RENBP: variants seen among roughly 807,000 people sequenced by gnomAD.
RENBP encodes the protein renin binding protein.
A neutral mutation model predicts 37.8 loss-of-function variants in RENBP; 16 were observed. That is an observed-to-expected ratio of 0.42 (90% CI 0.29 to 0.64). The LOEUF is 0.64. Among genes scored for constraint, RENBP ranks in the 30% least tolerant of loss-of-function variants. The pLI is 0.19. For synonymous variants in RENBP, 170 were observed against 154.8 expected (o/e 1.10, Z -0.73); for missense variants, 347 against 379.5 (o/e 0.91, Z 0.71).
At chrX:153,940,004 G>A in intron 9 of RENBP, 98 bp downstream of exon 9, 1 of 1,035,704 alleles carries the variant, frequency 9.7e-7, no homozygotes. Flanking sequence ...CAGACCAGCT[G>A]AGCGACTGTG....
In RENBP at chrX:153,943,905, T is replaced by C; in HGVS notation, c.279A>G (p.Ala93=). The C allele has an allele frequency of 1.7e-6, 2 of 1,180,138 alleles. No individual in the cohort carries two copies. The highest frequency in any genetic ancestry group is 6.3e-5 in the East Asian group (2 of 31,659). ...GAAGGGGGCACCTACCTGCTTTTGCTGCGTCCAGAAGCTGAGCATGGCGGA... is the reference window on the plus strand; with the variant it reads ...GAAGGGGGCACCTACCTGCTTTTGCCGCGTCCAGAAGCTGAGCATGGCGGA... The part of the protein sequence containing the change: ...ERFRHAQLLD[A]AKAGGEFLLR... Residue 93 remains alanine (A), a synonymous_variant, in exon 4 of 11, where the codon GCA becomes GCG. Transcript: ENST00000393700.
In RENBP at chrX:153,942,679, C is replaced by A. The variant is rs1171956840; in HGVS notation, c.687+176G>T. On this transcript the variant is annotated intron_variant, in intron 6 of 10. Transcript: ENST00000393700. ...TGGGTGGGGCAGGAGGGGTCTCCTT[C>A]TGTCAGGGCTTGCCTGGGGCTCCGC... 6.6e-6 allele frequency: 3 copies of A among 455,338 alleles called. No homozygotes were observed. The Admixed American group carries it at 1.2e-4, about 18-fold the overall frequency. 37.5% of individuals were successfully genotyped at this position (455,338 alleles called of 1,213,427 possible).
chrX:153,935,670 G>C lies in RENBP; in HGVS notation c.1078-94C>G. On this transcript the variant is annotated intron_variant, in intron 9 of 10. Transcript: ENST00000393700. Reference sequence around the variant, plus strand: ...GGGGTCAGAGCCTGGGTTGACCCCAGGTGACGTGGCTCCAGAACCAGCGAT... The same window carrying C: ...GGGGTCAGAGCCTGGGTTGACCCCACGTGACGTGGCTCCAGAACCAGCGAT... 4.3e-6 allele frequency: 3 copies of C among 699,262 alleles called. No homozygotes were observed. The East Asian group carries it at 9.8e-5, about 23-fold the overall frequency. The allele number at this position is 699,262 out of a possible 1,213,427, so 57.6% of individuals were successfully genotyped here. A position where few individuals can be genotyped will look rare whatever the true frequency, so the allele number is the denominator to read the frequency against.
chrX:153,936,400 G>T (rs782604851), intron 9 of RENBP, among the ~76,000 whole-genome samples: 4 of 106,262 alleles, frequency 3.8e-5, no homozygotes, highest in Non-Finnish European at 5.8e-5. Context: ...CAGCTACTCG[G>T]GAGGCTGAGG....
chrX:153,942,230 G>GTTTTTTTTTTT, intron 6 of RENBP, 199 bp from the exon 7 acceptor site: 1 of 102,702 alleles, frequency 9.7e-6, no homozygotes, highest in Non-Finnish European at 1.6e-5. Flanking sequence ...GCAAGTTGTT[G>GTTTTTTTTTTT]TTTTTTTTTT....
intron 9 of RENBP, 48 bp downstream of exon 9, chrX:153,940,054 C>T (rs374841815): frequency 2.5e-5 from 30 of 1,194,784 alleles, no homozygotes; most frequent in Non-Finnish European, 3.3e-5. Flanking sequence ...CCAGACTCCC[C>T]CCATTCCCCC....
intron 9 of RENBP, among the ~76,000 whole-genome samples, chrX:153,939,495 T>C (rs2065217441): frequency 8.9e-6 from 1 of 112,050 alleles, no homozygotes; most frequent in African/African-American, 3.2e-5. Flanking sequence ...GTGAACCCTC[T>C]GTCCCCACCA....
rs782470753 is a variant in RENBP, at chrX:153,935,529, C to G, written c.1125G>C (p.Glu375Asp). The change falls in exon 10 of 11, where the codon GAG (glutamate) becomes GAC (aspartate). Residue 375 changes from glutamate (E) to aspartate (D), a missense_variant. Glu to Asp is a conservative substitution (Grantham distance 45, BLOSUM62 2). Around this residue, in one of 3 missense-constraint regions of RENBP, gnomAD observed 91 missense variants for 67.7 expected, o/e 1.34. Coordinates refer to ENST00000393700, the MANE Select transcript of RENBP (RefSeq NM_002910.6). ...YGEWFGYLSR[E>D]GKVALSIKGG... ...CCTTGATGGAGAGGGCCACCTTGCC[C>G]TCTCGGCTCAGGTAGCCAAACCATT... The G allele has an allele frequency of 1.3e-5, 16 of 1,209,515 alleles. No homozygotes were observed. Among genetic ancestry groups the G allele is most frequent in the Non-Finnish European group, 1.8e-5 (16 of 894,777 alleles).
At position 153,941,934 on chromosome X, in the gene RENBP, C is replaced by T; in HGVS notation, c.769+16G>A. On this transcript the variant is annotated intron_variant, in intron 7 of 10. Coordinates refer to ENST00000393700, the MANE Select transcript of RENBP (RefSeq NM_002910.6). ...CCCCTCCTCCTGGGTGGCCCCCAGC[C>T]CACCCCGCCCCTCACCTGGGTTCTG... 1 of 827,906 alleles carries T rather than the reference C, an allele frequency of 1.2e-6. No homozygotes were observed. Among genetic ancestry groups the T allele is most frequent in the Non-Finnish European group, 1.8e-6 (1 of 548,184 alleles). 68.2% of individuals were successfully genotyped at this position (827,906 alleles called of 1,213,427 possible).
chrX:153,943,041 C>G lies in RENBP; in HGVS notation c.501G>C (p.Trp167Cys). 1 of 1,190,324 alleles carries G rather than the reference C, an allele frequency of 8.4e-7. No homozygotes were observed. The highest frequency in any genetic ancestry group is 1.1e-6 in the Non-Finnish European group (1 of 883,726). The change falls in exon 6 of 11, where the codon TGG becomes TGC. Residue 167 changes from tryptophan (W) to cysteine (C), a missense_variant. Coordinates refer to ENST00000393700, the MANE Select transcript of RENBP (RefSeq NM_002910.6). Reference protein sequence around the residue: ...AVEMMDQIVHWVQEDASGLGR... With the variant: ...AVEMMDQIVHCVQEDASGLGR... ...CCAGTCCCGACGCGTCCTCCTGCAC[C>G]CAGTGGACGATCTGATCCATCATCT...
intron 1 of RENBP, 43 bp downstream of exon 1, chrX:153,944,541 G>A (rs1391473496): frequency 1.1e-5 from 13 of 1,165,823 alleles, no homozygotes; most frequent in Non-Finnish European, 1.3e-5. Flanking sequence ...CCATCCCCGG[G>A]ACCCTCCAAG....
chrX:153,942,426 G>A (rs2065231380), intron 6 of RENBP: 3 of 184,097 alleles, frequency 1.6e-5, no homozygotes, highest in South Asian at 1.2e-4. Flanking sequence ...TAGTAGAGAC[G>A]GGGTTTCACT....
intron 8 of RENBP, among the ~76,000 whole-genome samples, chrX:153,940,877 C>T (rs990328642): frequency 8.9e-6 from 1 of 111,819 alleles, no homozygotes; most frequent in Non-Finnish European, 1.9e-5. Flanking sequence ...CGGTGGCTCA[C>T]GCCTATAATC....
chrX:153,940,951 C>G (rs2065223354), intron 8 of RENBP, among the ~76,000 whole-genome samples: 1 of 110,171 alleles, frequency 9.1e-6, no homozygotes, highest in African/African-American at 3.3e-5. Context: ...ACCAGCCTGA[C>G]CAACATGGAG....
At chrX:153,940,927 G>C (rs926316285) in intron 8 of RENBP, among the ~76,000 whole-genome samples, 1 of 110,887 alleles carries the variant, frequency 9.0e-6, no homozygotes, top group Non-Finnish European at 1.9e-5. Context: ...ATCACCTGAG[G>C]TCGGGAGTTC....
intron 7 of RENBP, 51 bp downstream of exon 7, chrX:153,941,899 G>A: frequency 9.5e-7 from 1 of 1,051,919 alleles, no homozygotes; most frequent in South Asian, 1.9e-5. Flanking sequence ...AGAACACAAG[G>A]CTCAGCGCTC....
intron 6 of RENBP, 53 bp from the exon 7 acceptor site, chrX:153,942,084 G>T: frequency 1.0e-6 from 1 of 990,243 alleles, no homozygotes; most frequent in Non-Finnish European, 1.4e-6. Flanking sequence ...CACCCACCCA[G>T]CCACCCAACT....
At chrX:153,941,260 C>G (rs782245336) in intron 8 of RENBP, among the ~76,000 whole-genome samples, 1 of 110,528 alleles carries the variant, frequency 9.0e-6, no homozygotes, top group African/African-American at 3.3e-5. Context: ...CTTTGCATTG[C>G]GGACTCGCCC....
chrX:153,936,003 C>G (rs1557108444), intron 9 of RENBP: 1 of 210,043 alleles, frequency 4.8e-6, no homozygotes, highest in Non-Finnish European at 8.8e-6. Flanking sequence ...GTGGCACGCA[C>G]TTGTAATCCC....
Sources: gnomAD v4.1 joint callset for allele counts (sites outside exome capture counted in the v4.1 genomes callset) on GRCh38, gnomAD v4.1.1 for gene constraint, gnomAD v4.1.1 regional missense constraint, MANE v1.5 for transcripts, NCBI Gene and HGNC (gene_info 2026-07-23, HGNC 2026-07-21) for gene names.